Variants in SP100 observed in about 807,000 individuals in gnomAD.
SP100 encodes nuclear autoantigen Sp-100.
Under a neutral mutation model 130.0 loss-of-function variants are expected in SP100, and 84 were observed. That is an observed-to-expected ratio of 0.65 (90% CI 0.54 to 0.77). The LOEUF is 0.77. Ranked by LOEUF, SP100 falls within the 30% of genes least tolerant of loss-of-function variation. SP100 has a pLI of 0.00. For missense variants in SP100, 978 were observed against 1,052.2 expected (o/e 0.93, Z 0.97); for synonymous variants, 331 against 351.7 (o/e 0.94, Z 0.66).
chr2:230,515,445 G>A lies in SP100; in HGVS notation c.2094+4279G>A, dbSNP rs764063526. 5.6e-6 allele frequency: 9 copies of A among 1,613,694 alleles called. No homozygotes were observed. The South Asian group carries it at 8.8e-5, about 16-fold the overall frequency. On this transcript the variant is annotated intron_variant, in intron 24 of 28. Transcript: ENST00000340126. ...GGAATAACACCGCTGCAGCTGACAA[G>A]CAGTTTTATGAAAAGAAGGCTGCAA...
chr2:230,469,010 A>T (rs546716103), intron 13 of SP100, 33 bp from the exon 14 acceptor site: 1 of 1,321,206 alleles, frequency 7.6e-7, no homozygotes, highest in Non-Finnish European at 1.1e-6. Flanking sequence ...TTTTAGTTAG[A>T]TATTATTGAT....
rs2063869835 is a variant in SP100, at chr2:230,449,544, A to G, written c.587-17A>G. On this transcript the variant is annotated splice_polypyrimidine_tract_variant and intron_variant, in intron 6 of 28. Transcript: ENST00000340126. Reference sequence around the variant, plus strand: ...CAGAGGGCAAATAAAATACCTGTGAATCAAACCATGGTTTAGGTACAACCC... The same window carrying G: ...CAGAGGGCAAATAAAATACCTGTGAGTCAAACCATGGTTTAGGTACAACCC... The G allele has an allele frequency of 3.1e-6, 5 of 1,613,774 alleles. No individual in the cohort carries two copies. Among genetic ancestry groups the G allele is most frequent in the Non-Finnish European group, 4.2e-6 (5 of 1,179,842 alleles).
intron 21 of SP100, 49 bp from the exon 22 acceptor site, chr2:230,506,254 G>T (rs1442047692): frequency 6.2e-7 from 1 of 1,606,158 alleles, no homozygotes; most frequent in Admixed American, 1.7e-5. Context: ...GGGAGGCCAA[G>T]TTCAGGTGTT....
intron 2 of SP100, among the ~76,000 whole-genome samples, chr2:230,437,533 C>G (rs946167875): frequency 1.3e-5 from 2 of 151,784 alleles, no homozygotes; most frequent in Non-Finnish European, 2.9e-5. Flanking sequence ...AATATGTGTT[C>G]TCTGTTTTTT....
chr2:230,455,940 T>A lies in SP100; in HGVS notation c.821-5322T>A, dbSNP rs772480836. Reference sequence around the variant, plus strand: ...AATGTTTGATGTCAGAGTTTACAAGTTTTATATAGTGTATACTCTAAAAAA... The same window carrying A: ...AATGTTTGATGTCAGAGTTTACAAGATTTATATAGTGTATACTCTAAAAAA... On this transcript the variant is annotated intron_variant, in intron 8 of 28. Transcript: ENST00000340126. Among the ~76,000 whole-genome samples the A allele has an allele frequency of 1.0e-3, 155 of 152,198 alleles. 3 individuals are homozygous for A. The highest frequency in any genetic ancestry group is 5.9e-4 in the Admixed American group (9 of 15,280).
chr2:230,487,210 A>G (rs1483263555), intron 17 of SP100, among the ~76,000 whole-genome samples: 1 of 152,148 alleles, frequency 6.6e-6, no homozygotes, highest in Non-Finnish European at 1.5e-5. Flanking sequence ...CTTTTGTTGC[A>G]ATTGCTTTTG....
intron 17 of SP100, among the ~76,000 whole-genome samples, chr2:230,486,301 G>T (rs36126131): frequency 0.24 from 37,084 of 151,916 alleles, 6,368 homozygotes; most frequent in African/African-American, 0.49. Flanking sequence ...TTGCTGTACT[G>T]ATTGACCCAT....
chr2:230,444,919 A>T (rs2063636801), intron 4 of SP100, among the ~76,000 whole-genome samples: 1 of 152,220 alleles, frequency 6.6e-6, no homozygotes, highest in African/African-American at 2.4e-5. Context: ...TCAACCTGTC[A>T]TGGGTCATTT....
chr2:230,466,233 T>G (rs1395971822), intron 11 of SP100, 68 bp from the exon 12 acceptor site: 8 of 784,060 alleles, frequency 1.0e-5, no homozygotes, highest in Admixed American at 2.4e-5. Context: ...CCATTTGCCA[T>G]GTCAGTTGTC....
intron 2 of SP100, among the ~76,000 whole-genome samples, chr2:230,423,519 A>G (rs897750726): frequency 3.3e-5 from 5 of 151,782 alleles, no homozygotes; most frequent in African/African-American, 1.2e-4. Flanking sequence ...ATATTTTTCT[A>G]TATATTTCTT....
At chr2:230,519,290 T>C (rs1352557868) in intron 24 of SP100, among the ~76,000 whole-genome samples, 1 of 152,194 alleles carries the variant, frequency 6.6e-6, no homozygotes, top group Admixed American at 6.6e-5. Context: ...GTTTTACCAA[T>C]GTCAGTGGGA....
intron 24 of SP100, among the ~76,000 whole-genome samples, chr2:230,536,042 T>C (rs896812024): frequency 2.0e-5 from 3 of 151,712 alleles, no homozygotes; most frequent in Non-Finnish European, 4.4e-5. Context: ...CAGTTTAAGA[T>C]AGCCTACATG....
intron 5 of SP100, 95 bp from the exon 6 acceptor site, chr2:230,448,993 A>T: frequency 1.2e-6 from 1 of 814,054 alleles, no homozygotes; most frequent in Non-Finnish European, 2.2e-6. Flanking sequence ...AGGGGTCTTT[A>T]ACTCCTACGT....
chr2:230,473,568 G>T, intron 16 of SP100, 128 bp downstream of exon 16: 2 of 563,046 alleles, frequency 3.6e-6, no homozygotes, highest in Non-Finnish European at 6.4e-6. Flanking sequence ...AACAGGAAGT[G>T]GGCCCACAGG....
rs987454736 is a variant in SP100, at chr2:230,544,073, T to C, written c.*1127T>C. On this transcript the variant is annotated 3_prime_UTR_variant, in exon 29 of 29. Transcript: ENST00000340126. ...GGAAAAAGACTCCCTATTTTATAAA[T>C]GGTGCTGGGATAACTGGGATAGAAG... is the stretch of plus-strand genomic sequence containing the variant. 1.3e-5 allele frequency: 2 copies of C among 152,164 alleles called. No homozygotes were observed. The highest frequency in any genetic ancestry group is 2.9e-5 in the Non-Finnish European group (2 of 68,030). The allele number at this position is 152,164 out of a possible 1,614,324, so 9.4% of individuals were successfully genotyped here.
intron 2 of SP100, among the ~76,000 whole-genome samples, chr2:230,434,382 A>C (rs1489073853): frequency 6.6e-6 from 1 of 152,204 alleles, no homozygotes; most frequent in East Asian, 1.9e-4. Flanking sequence ...CAATGCTTCA[A>C]CAAAAATTTT....
chr2:230,464,042 T>C, intron 10 of SP100, 25 bp from the exon 11 acceptor site: 1 of 1,501,062 alleles, frequency 6.7e-7, no homozygotes, highest in Non-Finnish European at 9.3e-7. Flanking sequence ...CTGAGACCTC[T>C]AAAGAATCCC....
intron 18 of SP100, among the ~76,000 whole-genome samples, chr2:230,497,450 AG>A (rs1367791319): frequency 8.0e-6 from 1 of 124,820 alleles, no homozygotes; most frequent in Non-Finnish European, 1.7e-5. Flanking sequence ...GAAGGGAAGG[AG>A]GAAAGGATGA....
intron 4 of SP100, 96 bp downstream of exon 4, chr2:230,444,442 G>A: frequency 1.0e-6 from 1 of 985,150 alleles, no homozygotes; most frequent in Non-Finnish European, 1.6e-6. Context: ...GTTGTGTTGG[G>A]CAGTGGGCAT....
Sources: gnomAD v4.1 joint callset for allele counts (sites outside exome capture counted in the v4.1 genomes callset) on GRCh38, gnomAD v4.1.1 for gene constraint, MANE v1.5 for transcripts, NCBI Gene and HGNC (gene_info 2026-07-23, HGNC 2026-07-21) for gene names.